USH2A: variants seen among roughly 807,000 people sequenced by gnomAD.
The protein encoded by USH2A is Usher syndrome 2A (autosomal recessive, mild).
Under a neutral mutation model 538.9 loss-of-function variants are expected in USH2A, and 443 were observed. The ratio of observed to expected loss-of-function variants is 0.82; its 90% CI spans 0.76 to 0.89. USH2A has a LOEUF of 0.89. Among genes scored for constraint, USH2A ranks in the 40% least tolerant of loss-of-function variants. The pLI, the probability that USH2A is intolerant of heterozygous loss-of-function variation, is 0.00. For synonymous variants in USH2A, 2,413 were observed against 2,273.5 expected (o/e 1.06, Z -1.75); for missense variants, 6,633 against 6,324.8 (o/e 1.05, Z -1.65).
chr1:215,728,679 C>T (rs1437979254), intron 60 of USH2A, among the ~76,000 whole-genome samples: 4 of 151,748 alleles, frequency 2.6e-5, no homozygotes, highest in Admixed American at 2.6e-4. Flanking sequence ...ATATAAAAAG[C>T]ACAAAAGGTG....
At position 215,845,969 on chromosome 1, in the gene USH2A, G is replaced by A. The variant is rs148603505; in HGVS notation, c.8910C>T (p.Asn2970=). 5.0e-6 allele frequency: 8 copies of A among 1,613,838 alleles called. No homozygotes were observed. In the East Asian group the frequency reaches 1.1e-4, roughly 22 times the overall value. Reference sequence around the variant, plus strand: ...CATCTGGCAAGATTTTTAGAGAGTCGTTTGAGGTAGCAGAACTCCAAAAAA... The same window carrying A: ...CATCTGGCAAGATTTTTAGAGAGTCATTTGAGGTAGCAGAACTCCAAAAAA... The part of the protein sequence containing the change: ...YTLFWSSATS[N]DSLKILPDVN... The change falls in exon 45 of 72, where the codon AAC becomes AAT. Residue 2970 remains asparagine (N), a synonymous_variant. Coordinates refer to ENST00000307340, the MANE Select transcript of USH2A (RefSeq NM_206933.4).
chr1:215,737,361 C>T (rs1012607389), intron 60 of USH2A, among the ~76,000 whole-genome samples: 2 of 151,780 alleles, frequency 1.3e-5, no homozygotes, highest in African/African-American at 4.8e-5. Context: ...ACTGTTAAAA[C>T]ATTTTTTCTA....
At position 215,735,696 on chromosome 1, in the gene USH2A, T is replaced by A. The variant is rs200999993; in HGVS notation, c.11711+5679A>T. Among the ~76,000 whole-genome samples the A allele has an allele frequency of 1.3e-3, 196 of 152,170 alleles. 3 individuals carry two copies. The highest frequency in any genetic ancestry group is 9.4e-3 in the Admixed American group (144 of 15,276). On this transcript the variant is annotated intron_variant, in intron 60 of 71. Transcript: ENST00000307340. ...GTGTTTAACATTCCAGACATTTTTT[T>A]ATATACATATATATGTAAAAAATAT...
At chr1:216,238,697 T>C (rs1303906550) in intron 13 of USH2A, among the ~76,000 whole-genome samples, 1 of 152,184 alleles carries the variant, frequency 6.6e-6, no homozygotes, top group African/African-American at 2.4e-5. Flanking sequence ...TAAGGTTAGG[T>C]TAATAATACA....
At chr1:216,373,328 C>T (rs2038751539) in intron 3 of USH2A, among the ~76,000 whole-genome samples, 1 of 152,160 alleles carries the variant, frequency 6.6e-6, no homozygotes, top group South Asian at 2.1e-4. Flanking sequence ...TCTTGGAAGT[C>T]TCCTCCACCA....
intron 39 of USH2A, 135 bp from the exon 40 acceptor site, chr1:215,900,352 A>C: frequency 1.0e-6 from 1 of 977,312 alleles, no homozygotes. Flanking sequence ...CCATCAAATG[A>C]GATCTCTTTT....
intron 21 of USH2A, among the ~76,000 whole-genome samples, chr1:216,111,469 A>G (rs1370788223): frequency 6.6e-6 from 1 of 152,110 alleles, no homozygotes; most frequent in Non-Finnish European, 1.5e-5. Context: ...GCTAGGAAAC[A>G]CATGAAATAA....
At chr1:215,852,703 G>A (rs997600829) in intron 44 of USH2A, among the ~76,000 whole-genome samples, 1 of 152,142 alleles carries the variant, frequency 6.6e-6, no homozygotes, top group Admixed American at 6.5e-5. Context: ...GTTCCAAATG[G>A]GAGAAATTGG....
intron 6 of USH2A, 112 bp from the exon 7 acceptor site, chr1:216,324,464 T>C (rs1039129506): frequency 9.6e-6 from 10 of 1,037,664 alleles, no homozygotes; most frequent in African/African-American, 8.1e-5. Flanking sequence ...ATCATAATTA[T>C]AGTTATCAAA....
At chr1:215,918,964 A>T (rs1202333054) in intron 38 of USH2A, among the ~76,000 whole-genome samples, 1 of 152,078 alleles carries the variant, frequency 6.6e-6, no homozygotes, top group Non-Finnish European at 1.5e-5. Context: ...AGGGGGATTT[A>T]GAAGTCTAAA....
rs2035393272 is a variant in USH2A at position 216,218,749 on chromosome 1, T to C, written c.2994-1199A>G. Among the ~76,000 whole-genome samples, 3 of 152,056 alleles carry C rather than the reference T, an allele frequency of 2.0e-5. No homozygotes were observed. The South Asian group carries it at 6.2e-4, about 31-fold the overall frequency. On this transcript the variant is annotated intron_variant, in intron 14 of 71. Coordinates refer to ENST00000307340, the MANE Select transcript of USH2A (RefSeq NM_206933.4). ...AGGACATTTTCCCCCTTCAAACAAC[T>C]ATATTAGGTCTTTTATCTATACACA...
chr1:215,796,396 CATT>C (rs1276210592), intron 50 of USH2A, among the ~76,000 whole-genome samples: 1 of 151,566 alleles, frequency 6.6e-6, no homozygotes, highest in African/African-American at 2.4e-5. Context: ...TAAACTTTTT[CATT>C]ATTATTATAT....
chr1:216,049,685 T>C (rs2030672897), intron 30 of USH2A, among the ~76,000 whole-genome samples: 1 of 152,128 alleles, frequency 6.6e-6, no homozygotes, highest in Non-Finnish European at 1.5e-5. Context: ...CAAATTTTAA[T>C]ATACATGTTT....
At chr1:215,881,167 G>T (rs1207162298) in intron 41 of USH2A, among the ~76,000 whole-genome samples, 1 of 152,012 alleles carries the variant, frequency 6.6e-6, no homozygotes, top group Non-Finnish European at 1.5e-5. Context: ...TTAAGACAGC[G>T]TCTCACTCTG....
Position 215,625,766 on chromosome 1 carries a change from C to G in USH2A, c.*15G>C. On this transcript the variant is annotated 3_prime_UTR_variant, in exon 72 of 72. Coordinates refer to ENST00000307340, the MANE Select transcript of USH2A (RefSeq NM_206933.4). ...ACCTTGCATTCCAGGGTTACGTCTTCTGGGTTTCCATCCTTTACAGGTGGG... is the reference window on the plus strand; with the variant it reads ...ACCTTGCATTCCAGGGTTACGTCTTGTGGGTTTCCATCCTTTACAGGTGGG... 6.2e-7 allele frequency: 1 copy of G among 1,613,786 alleles called. No homozygotes were observed. The highest frequency in any genetic ancestry group is 1.7e-5 in the Admixed American group (1 of 60,008).
intron 11 of USH2A, among the ~76,000 whole-genome samples, chr1:216,267,206 G>A (rs901342362): frequency 1.3e-5 from 2 of 152,068 alleles, no homozygotes; most frequent in African/African-American, 4.8e-5. Context: ...TAAATGAAAA[G>A]AGAGTGATCA....
intron 32 of USH2A, among the ~76,000 whole-genome samples, chr1:216,033,847 G>T (rs772368828): frequency 1.1e-4 from 16 of 152,090 alleles, no homozygotes; most frequent in Non-Finnish European, 1.8e-4. Flanking sequence ...CTTAAAACAA[G>T]AACAGCAAAA....
chr1:215,710,557 C>A (rs527992406), intron 61 of USH2A, among the ~76,000 whole-genome samples: 21 of 152,176 alleles, frequency 1.4e-4, no homozygotes, highest in Admixed American at 3.3e-4. Context: ...CAGTAGAGGG[C>A]GCTCTCCTCA....
intron 20 of USH2A, among the ~76,000 whole-genome samples, chr1:216,186,110 C>T (rs1219338870): frequency 6.7e-6 from 1 of 148,956 alleles, no homozygotes; most frequent in Non-Finnish European, 1.5e-5. Flanking sequence ...CAGAAAAAAA[C>T]AAACACTAAA....
Sources: gnomAD v4.1 joint callset for allele counts (sites outside exome capture counted in the v4.1 genomes callset) on GRCh38, gnomAD v4.1.1 for gene constraint, MANE v1.5 for transcripts, NCBI Gene and HGNC (gene_info 2026-07-23, HGNC 2026-07-21) for gene names.